Variants in EPB41L1 observed in about 807,000 individuals in gnomAD.
EPB41L1 encodes the protein band 4.1-like protein 1.
A neutral mutation model predicts 97.8 loss-of-function variants in EPB41L1; 29 were observed. The observed-to-expected ratio is 0.30, with a 90% CI of 0.22 to 0.40. EPB41L1 has a LOEUF of 0.40. Ranked by LOEUF, EPB41L1 falls within the 10% of genes least tolerant of loss-of-function variation. EPB41L1 has a pLI of 1.00. For synonymous variants in EPB41L1, 383 were observed against 459.2 expected (o/e 0.83, Z 2.12); for missense variants, 812 against 1,162.3 (o/e 0.70, Z 4.38).
At chr20:36,219,668 T>C (rs2147046156) in intron 18 of EPB41L1, 93 bp from the exon 19 acceptor site, 1 of 1,068,444 alleles carries the variant, frequency 9.4e-7, no homozygotes, top group African/African-American at 1.5e-5. Context: ...AAACGTCACC[T>C]TCACAGAGCC....
At position 36,195,537 on chromosome 20, in the gene EPB41L1, C is replaced by T. The variant is rs972193102; in HGVS notation, c.1485+173C>T. On this transcript the variant is annotated intron_variant, in intron 13 of 21. Transcript: ENST00000338074. The surrounding 1 kb of genome is among the most constrained non-coding windows in gnomAD (Gnocchi z 4.6). ...CGTCCTTGCTCCCCACTCCGCCACC[C>T]GCTAAGCTTCTCTCTCCAGCTCCCT... 3.9e-5 allele frequency among the ~76,000 whole-genome samples: 6 copies of T among 152,152 alleles called. No homozygotes were observed. Among genetic ancestry groups the T allele is most frequent in the African/African-American group, 9.7e-5 (4 of 41,442 alleles).
At chr20:36,126,400 CT>C (rs2058969325) in intron 2 of EPB41L1, among the ~76,000 whole-genome samples, 1 of 142,824 alleles carries the variant, frequency 7.0e-6, no homozygotes, top group Non-Finnish European at 1.5e-5. Context: ...GAGTTTCACT[CT>C]TGTTGCCCAG....
chr20:36,221,663 A>G (rs1180252017), intron 19 of EPB41L1, among the ~76,000 whole-genome samples: 1 of 152,196 alleles, frequency 6.6e-6, no homozygotes, highest in Non-Finnish European at 1.5e-5. Flanking sequence ...ATAGTTTGGT[A>G]GTTTTGGGGA....
chr20:36,130,110 T>G (rs1211022711), intron 2 of EPB41L1, among the ~76,000 whole-genome samples: 2 of 152,032 alleles, frequency 1.3e-5, no homozygotes, highest in Non-Finnish European at 2.9e-5. Context: ...CCCAATTAAT[T>G]TTTCTATTTT....
chr20:36,096,564 C>T (rs2057838691), intron 1 of EPB41L1, among the ~76,000 whole-genome samples: 1 of 152,250 alleles, frequency 6.6e-6, no homozygotes, highest in Admixed American at 6.5e-5. Context: ...CACTCTTCCC[C>T]TGCTTCTTAT....
At chr20:36,152,291 T>C (rs2060086861), upstream of EPB41L1, 1 of 152,238 alleles carries the variant, frequency 6.6e-6, no homozygotes, top group Non-Finnish European at 1.5e-5. Flanking sequence ...TGAAGTGAAT[T>C]GAGCCCTTTG....
intron 16 of EPB41L1, among the ~76,000 whole-genome samples, chr20:36,213,961 C>A (rs1357930732): frequency 6.6e-6 from 1 of 152,082 alleles, no homozygotes; most frequent in Non-Finnish European, 1.5e-5. Context: ...TGATTTATTT[C>A]GCTGTCTCCC....
At position 36,232,412 on chromosome 20, in the gene EPB41L1, C is replaced by T; in HGVS notation, c.*3072C>T. Reference sequence around the variant, plus strand: ...TCTTGGGCCTCAGTTTCCCGACTTGCAAAATAAGCAGAAAGAACCAGATGC... The same window carrying T: ...TCTTGGGCCTCAGTTTCCCGACTTGTAAAATAAGCAGAAAGAACCAGATGC... On this transcript the variant is annotated 3_prime_UTR_variant, in exon 22 of 22. Transcript: ENST00000338074. 2.6e-6 allele frequency: 1 copy of T among 387,280 alleles called. No individual in the cohort carries two copies. The highest frequency in any genetic ancestry group is 4.6e-6 in the Non-Finnish European group (1 of 219,268). The allele number at this position is 387,280 out of a possible 1,614,324, so 24.0% of individuals were successfully genotyped here. A position where few individuals can be genotyped will look rare whatever the true frequency, so the allele number is the denominator to read the frequency against.
intron 2 of EPB41L1, among the ~76,000 whole-genome samples, chr20:36,130,211 G>C (rs1010394684): frequency 1.3e-5 from 2 of 151,662 alleles, no homozygotes; most frequent in Non-Finnish European, 2.9e-5. Context: ...GAAAATGCTG[G>C]GATTACAGGC....
rs531596091 is a variant in EPB41L1 at position 36,189,706 on chromosome 20, C to T, written c.1027-571C>T. ...GCACCACACATCTCCCTTCATTCCC[C>T]TTGTAGCCCTGATCAGTGTCTGCAA... On this transcript the variant is annotated intron_variant, in intron 9 of 21. Coordinates refer to ENST00000338074, the MANE Select transcript of EPB41L1 (RefSeq NM_012156.2). 2.0e-5 allele frequency among the ~76,000 whole-genome samples: 3 copies of T among 152,316 alleles called. No homozygotes were observed. The South Asian group carries it at 6.2e-4, about 32-fold the overall frequency.
chr20:36,219,870 C>T (rs1181655537), intron 19 of EPB41L1, 26 bp downstream of exon 19: 3 of 1,597,912 alleles, frequency 1.9e-6, no homozygotes, highest in Non-Finnish European at 2.6e-6. Context: ...GCGCCCCATG[C>T]CCCCAGCCGA....
chr20:36,100,253 G>A lies in EPB41L1; in HGVS notation c.-65+8641G>A, dbSNP rs1438369091. Among the ~76,000 whole-genome samples the A allele has an allele frequency of 2.6e-5, 4 of 152,220 alleles. No individual in the cohort carries two copies. In the East Asian group the frequency reaches 5.8e-4, roughly 22 times the overall value. On this transcript the variant is annotated intron_variant, in intron 1 of 19. Coordinates refer to the EPB41L1 transcript ENST00000202028. ...ACTGGGGAAGCCAGGCCCCTCCTTG[G>A]CCCCTTGATTCTTCTTTCCTTTCCT...
intron 1 of EPB41L1, among the ~76,000 whole-genome samples, chr20:36,103,083 C>T (rs1418456298): frequency 6.6e-6 from 1 of 152,182 alleles, no homozygotes; most frequent in Non-Finnish European, 1.5e-5. Context: ...GCCTTGTAAG[C>T]CCTCCCCCTC....
intron 14 of EPB41L1, among the ~76,000 whole-genome samples, chr20:36,200,371 G>C (rs575555958): frequency 6.6e-6 from 1 of 152,334 alleles, no homozygotes; most frequent in East Asian, 1.9e-4. Flanking sequence ...TCCTGAAGAT[G>C]CCTGTGTCAT....
chr20:36,167,761 G>C (rs1266335240), intron 1 of EPB41L1, among the ~76,000 whole-genome samples: 1 of 151,546 alleles, frequency 6.6e-6, no homozygotes, highest in Non-Finnish European at 1.5e-5. Context: ...TAAATAAAGA[G>C]GGTGTCCATT....
chr20:36,191,216 A>G (rs1251337140), intron 11 of EPB41L1, among the ~76,000 whole-genome samples: 2 of 152,136 alleles, frequency 1.3e-5, no homozygotes, highest in African/African-American at 2.4e-5. Context: ...TACACTGGTC[A>G]TCATCATACT....
In EPB41L1 at chr20:36,174,706, A is replaced by G. The variant is rs560956604; in HGVS notation, c.177+752A>G. On this transcript the variant is annotated intron_variant, in intron 2 of 21. Coordinates refer to ENST00000338074, the MANE Select transcript of EPB41L1 (RefSeq NM_012156.2). ...GCTGGGATTACAGGTGTGAGCCACC[A>G]TGCTTGGCCCATTGTGGTCATTTTA... Among the ~76,000 whole-genome samples the G allele has an allele frequency of 3.3e-5, 5 of 152,090 alleles. 1 individual carries two copies. The East Asian group carries it at 9.7e-4, about 29-fold the overall frequency.
chr20:36,195,432 C>T lies in EPB41L1; in HGVS notation c.1485+68C>T. The T allele has an allele frequency of 6.4e-7, 1 of 1,560,354 alleles. No homozygotes were observed. Among genetic ancestry groups the T allele is most frequent in the Non-Finnish European group, 8.8e-7 (1 of 1,131,722 alleles). ...CCCTAGCTCATTTGTCACCATCCCACAGTCCATCCCAGGCTCACTTCCCTG... is the reference window on the plus strand; with the variant it reads ...CCCTAGCTCATTTGTCACCATCCCATAGTCCATCCCAGGCTCACTTCCCTG... On this transcript the variant is annotated intron_variant, in intron 13 of 21. Coordinates refer to ENST00000338074, the MANE Select transcript of EPB41L1 (RefSeq NM_012156.2). This position sits in a 1 kb window ranked among gnomAD's most constrained non-coding sequence, Gnocchi z 4.6.
intron 2 of EPB41L1, among the ~76,000 whole-genome samples, chr20:36,131,068 T>C (rs949720851): frequency 1.3e-5 from 2 of 151,772 alleles, no homozygotes; most frequent in African/African-American, 4.8e-5. Flanking sequence ...CTCTGCCTCC[T>C]GGGTTCAAGT....
Sources: allele counts gnomAD v4.1 joint callset (sites outside exome capture counted in the v4.1 genomes callset), GRCh38; gene constraint gnomAD v4.1.1; non-coding constraint Gnocchi (gnomAD v3.1); transcripts MANE v1.5; gene names NCBI Gene and HGNC (gene_info 2026-07-23, HGNC 2026-07-21).